The following SENP7 variants were observed in gnomAD, a reference collection of about 807,000 sequenced individuals.
SENP7 encodes the protein SUMO specific peptidase 7.
Under a neutral mutation model 141.2 loss-of-function variants are expected in SENP7, and 64 were observed. The observed-to-expected ratio is 0.45, with a 90% CI of 0.37 to 0.56. The LOEUF (loss-of-function observed/expected upper bound fraction) is 0.56. Ranked by LOEUF, SENP7 falls within the 20% of genes least tolerant of loss-of-function variation. The pLI, the probability that SENP7 is intolerant of heterozygous loss-of-function variation, is 0.00. For synonymous variants in SENP7, 382 were observed against 426.4 expected (o/e 0.90, Z 1.28); for missense variants, 1,025 against 1,212.2 (o/e 0.85, Z 2.29).
intron 4 of SENP7, among the ~76,000 whole-genome samples, chr3:101,428,878 A>G (rs2062056694): frequency 6.6e-6 from 1 of 152,246 alleles, no homozygotes; most frequent in East Asian, 1.9e-4. Flanking sequence ...TATAAGGTCT[A>G]AGGAAGGAGT....
intron 1 of SENP7, among the ~76,000 whole-genome samples, chr3:101,508,466 G>A (rs2065717572): frequency 6.6e-6 from 1 of 152,116 alleles, no homozygotes; most frequent in Non-Finnish European, 1.5e-5. Flanking sequence ...AGGCGTGGTG[G>A]CGGGCTCCTG....
intron 12 of SENP7, among the ~76,000 whole-genome samples, chr3:101,350,765 TTTG>T (rs1352337482): frequency 6.6e-6 from 1 of 152,014 alleles, no homozygotes; most frequent in Non-Finnish European, 1.5e-5. Flanking sequence ...CATGACTTTT[TTTG>T]TTTCTTCTAC....
At chr3:101,500,187 G>C (rs1401903234) in intron 2 of SENP7, among the ~76,000 whole-genome samples, 1 of 152,170 alleles carries the variant, frequency 6.6e-6, no homozygotes, top group East Asian at 1.9e-4. Flanking sequence ...CTGCTTCAGA[G>C]AAAAGGGTTT....
At chr3:101,378,331 T>C (rs910044430) in intron 6 of SENP7, among the ~76,000 whole-genome samples, 4 of 152,024 alleles carry the variant, frequency 2.6e-5, no homozygotes, top group African/African-American at 4.8e-5. Context: ...TAAGCACTTA[T>C]GGGCAATGTT....
intron 1 of SENP7, among the ~76,000 whole-genome samples, chr3:101,506,881 C>T (rs1473103309): frequency 6.6e-6 from 1 of 151,988 alleles, no homozygotes; most frequent in Non-Finnish European, 1.5e-5. Flanking sequence ...AGTGAGACAC[C>T]ATCTCTAGAA....
At chr3:101,469,083 G>A (rs1457955733) in intron 3 of SENP7, among the ~76,000 whole-genome samples, 2 of 152,062 alleles carry the variant, frequency 1.3e-5, no homozygotes, top group African/African-American at 4.8e-5. Flanking sequence ...CTGATAAACA[G>A]ACTTTAAACC....
At chr3:101,492,520 C>T (rs2065007330) in intron 3 of SENP7, among the ~76,000 whole-genome samples, 1 of 152,048 alleles carries the variant, frequency 6.6e-6, no homozygotes, top group African/African-American at 2.4e-5. Flanking sequence ...ATGTTGAAGC[C>T]CCAACTCCCA....
At chr3:101,435,660 T>A (rs780699683) in intron 4 of SENP7, among the ~76,000 whole-genome samples, 49 of 151,334 alleles carry the variant, frequency 3.2e-4, no homozygotes, top group Non-Finnish European at 5.8e-4. Flanking sequence ...CGAAAAAAAA[T>A]TAAAAAGTAA....
At chr3:101,494,907 GCC>G (rs2065104531) in intron 2 of SENP7, among the ~76,000 whole-genome samples, 1 of 152,040 alleles carries the variant, frequency 6.6e-6, no homozygotes. Flanking sequence ...TAACAAAAAT[GCC>G]AAAAGCAATT....
chr3:101,362,799 T>C (rs1046342718), intron 10 of SENP7, among the ~76,000 whole-genome samples: 1 of 152,226 alleles, frequency 6.6e-6, no homozygotes, highest in Non-Finnish European at 1.5e-5. Context: ...TATACTTGCC[T>C]AAAACCTCAA....
At chr3:101,458,415 C>T (rs911366963) in intron 4 of SENP7, 1 of 152,142 alleles carries the variant, frequency 6.6e-6, no homozygotes, top group Non-Finnish European at 1.5e-5. Context: ...TTCTGAAATG[C>T]TCTAAATTAT....
In SENP7 at chr3:101,335,512, C is replaced by A. The variant is rs562742992; in HGVS notation, c.2480+1997G>T. 3.9e-5 allele frequency among the ~76,000 whole-genome samples: 6 copies of A among 152,052 alleles called. No individual in the cohort carries two copies. In the South Asian group the frequency reaches 1.0e-3, roughly 26 times the overall value. Reference sequence around the variant, plus strand: ...ATTCACACATTCATGTGCATGTGTACATGTGTGTGTGTGTGTAGTATCTTA... The same window carrying A: ...ATTCACACATTCATGTGCATGTGTAAATGTGTGTGTGTGTGTAGTATCTTA... On this transcript the variant is annotated intron_variant, in intron 17 of 23. Coordinates refer to ENST00000394095, the MANE Select transcript of SENP7 (RefSeq NM_020654.5).
intron 3 of SENP7, among the ~76,000 whole-genome samples, chr3:101,467,400 G>A (rs983282746): frequency 7.2e-5 from 11 of 152,256 alleles, no homozygotes; most frequent in African/African-American, 1.7e-4. Context: ...AATGACCCCA[G>A]TGTAGCCTAA....
intron 4 of SENP7, among the ~76,000 whole-genome samples, chr3:101,455,662 C>A (rs1273933194): frequency 6.6e-6 from 1 of 152,134 alleles, no homozygotes; most frequent in Non-Finnish European, 1.5e-5. Flanking sequence ...CAAACTGGTT[C>A]TCTTCTAAAA....
intron 5 of SENP7, among the ~76,000 whole-genome samples, chr3:101,412,605 A>T (rs1214604714): frequency 6.6e-6 from 1 of 152,088 alleles, no homozygotes; most frequent in Admixed American, 6.5e-5. Context: ...ATTTACAGAA[A>T]TTCCAAGTAC....
chr3:101,393,450 C>T (rs778158007), intron 6 of SENP7, among the ~76,000 whole-genome samples: 18 of 151,886 alleles, frequency 1.2e-4, no homozygotes, highest in East Asian at 1.9e-4. Flanking sequence ...ACTAGGGATA[C>T]GTACATATCT....
intron 4 of SENP7, among the ~76,000 whole-genome samples, chr3:101,443,425 C>T (rs895243901): frequency 1.4e-5 from 2 of 147,594 alleles, no homozygotes; most frequent in African/African-American, 2.5e-5. Flanking sequence ...ATTGATTTGG[C>T]GATGCGGGCT....
intron 10 of SENP7, 32 bp from the exon 11 acceptor site, chr3:101,361,893 A>G (rs775897106): frequency 1.3e-6 from 2 of 1,566,140 alleles, no homozygotes; most frequent in Non-Finnish European, 1.7e-6. Context: ...AATGCATATA[A>G]TTCTTAAGTA....
intron 1 of SENP7, among the ~76,000 whole-genome samples, chr3:101,511,910 C>T (rs1299712431): frequency 1.3e-5 from 2 of 152,154 alleles, no homozygotes; most frequent in African/African-American, 4.8e-5. Flanking sequence ...AGCTCCGCCT[C>T]CCGGGTTCAC....
Sources: allele counts gnomAD v4.1 joint callset (sites outside exome capture counted in the v4.1 genomes callset), GRCh38; gene constraint gnomAD v4.1.1; transcripts MANE v1.5; gene names NCBI Gene and HGNC (gene_info 2026-07-23, HGNC 2026-07-21).